The following CSMD1 variants were observed in gnomAD, a reference collection of about 807,000 sequenced individuals.
CSMD1 encodes CUB and Sushi multiple domains 1, also known as CUB and sushi domain-containing protein 1.
Under a neutral mutation model 417.5 loss-of-function variants are expected in CSMD1, and 213 were observed. The ratio of observed to expected loss-of-function variants is 0.51; its 90% CI spans 0.46 to 0.57. CSMD1 has a LOEUF of 0.57. CSMD1 is among the 20% of genes least tolerant of loss of function. The pLI is 0.00. For synonymous variants in CSMD1, 2,862 were observed against 1,736.8 expected, an observed-to-expected ratio of 1.65 and a Z score of -16.11; for missense variants, 6,923 against 4,529.7, an observed-to-expected ratio of 1.53 and a Z score of -15.17.
chr8:3,663,146 G>C (rs950892543), intron 7 of CSMD1, among the ~76,000 whole-genome samples: 1 of 152,154 alleles, frequency 6.6e-6, no homozygotes, highest in African/African-American at 2.4e-5. Flanking sequence ...GGCCGACAAA[G>C]AAAAGGTTAG....
intron 3 of CSMD1, among the ~76,000 whole-genome samples, chr8:4,316,846 G>T (rs955273023): frequency 1.3e-5 from 2 of 152,120 alleles, no homozygotes; most frequent in Non-Finnish European, 2.9e-5. Context: ...ATTGGTAGCT[G>T]CTTCTATTAG....
At chr8:3,607,235 C>A (rs1046338635) in intron 8 of CSMD1, among the ~76,000 whole-genome samples, 3 of 152,152 alleles carry the variant, frequency 2.0e-5, no homozygotes, top group African/African-American at 7.2e-5. Flanking sequence ...TCACTGTTTT[C>A]CACCTCCACA....
intron 15 of CSMD1, among the ~76,000 whole-genome samples, chr8:3,399,909 C>A (rs145036930): frequency 6.6e-6 from 1 of 152,148 alleles, no homozygotes; most frequent in Non-Finnish European, 1.5e-5. Flanking sequence ...AATGACCTTA[C>A]ATCTCAAGAT....
In CSMD1 at chr8:4,687,090, G is replaced by C. The variant is rs1316003945; in HGVS notation, c.86-49532C>G. ...TTCAGGCGAGCCGGCCCCTGTGCAG[G>C]CTAACTCTGTGGTCGATAAAAGCTG... On this transcript the variant is annotated intron_variant, in intron 1 of 69. Coordinates refer to ENST00000635120, the MANE Select transcript of CSMD1 (RefSeq NM_033225.6). Among the ~76,000 whole-genome samples the C allele has an allele frequency of 1.3e-5, 2 of 152,194 alleles. 1 individual carries two copies. The highest frequency in any genetic ancestry group is 4.1e-4 in the South Asian group (2 of 4,834).
intron 1 of CSMD1, among the ~76,000 whole-genome samples, chr8:4,761,875 C>G (rs950995449): frequency 1.1e-5 from 1 of 94,142 alleles, no homozygotes; most frequent in Non-Finnish European, 2.2e-5. Context: ...ATCTATCTAT[C>G]TATCTATCTA....
At chr8:3,823,524 A>G (rs528844392) in intron 5 of CSMD1, among the ~76,000 whole-genome samples, 142 of 152,280 alleles carry the variant, frequency 9.3e-4, no homozygotes, top group African/African-American at 3.3e-3. Context: ...ACATTTTGTT[A>G]TAAAAATAAA....
intron 5 of CSMD1, among the ~76,000 whole-genome samples, chr8:3,764,607 T>G (rs1798170247): frequency 6.6e-6 from 1 of 152,080 alleles, no homozygotes; most frequent in South Asian, 2.1e-4. Context: ...GCAGTTTCCT[T>G]GGAGATGTGA....
intron 3 of CSMD1, among the ~76,000 whole-genome samples, chr8:4,181,233 T>C (rs1163606558): frequency 6.6e-6 from 1 of 152,182 alleles, no homozygotes; most frequent in East Asian, 1.9e-4. Flanking sequence ...TGGTACTTAT[T>C]ATCTATAGCC....
chr8:4,160,582 G>C (rs1310683937), intron 3 of CSMD1, among the ~76,000 whole-genome samples: 1 of 152,216 alleles, frequency 6.6e-6, no homozygotes, highest in Non-Finnish European at 1.5e-5. Flanking sequence ...CTTGCATGAG[G>C]CTGAAGCCTC....
At position 4,808,616 on chromosome 8, in the gene CSMD1, A is replaced by G. The variant is rs1798719801; in HGVS notation, c.86-171058T>C. ...TACTAATGGTTTCACCCAAAAATTA[A>G]ATAGAACACAGCCAGCAATCATACC... On this transcript the variant is annotated intron_variant, in intron 1 of 69. Coordinates refer to ENST00000635120, the MANE Select transcript of CSMD1 (RefSeq NM_033225.6). Among the ~76,000 whole-genome samples the G allele has an allele frequency of 2.0e-5, 3 of 152,196 alleles. No individual in the cohort carries two copies. The South Asian group carries it at 6.2e-4, about 32-fold the overall frequency.
At chr8:3,006,876 G>T (rs560610354) in intron 52 of CSMD1, among the ~76,000 whole-genome samples, 6 of 141,990 alleles carry the variant, frequency 4.2e-5, no homozygotes, top group Admixed American at 2.7e-4. Flanking sequence ...AAGACTTCAT[G>T]TCTAAAACAC....
chr8:3,535,411 G>C (rs1277528807), intron 10 of CSMD1, among the ~76,000 whole-genome samples: 1 of 152,162 alleles, frequency 6.6e-6, no homozygotes, highest in African/African-American at 2.4e-5. Context: ...CCTGCAGCCT[G>C]ACCTCAAGGG....
intron 3 of CSMD1, among the ~76,000 whole-genome samples, chr8:4,084,515 T>C (rs1800315899): frequency 6.6e-6 from 1 of 152,202 alleles, no homozygotes; most frequent in Admixed American, 6.5e-5. Context: ...ATCCTGTTTT[T>C]ATTTTTCCTT....
chr8:3,713,515 C>T (rs771885500), intron 6 of CSMD1, among the ~76,000 whole-genome samples: 1 of 152,122 alleles, frequency 6.6e-6, no homozygotes, highest in African/African-American at 2.4e-5. Context: ...CTGCCCCAGC[C>T]CCCACAGCCA....
chr8:3,524,294 C>G (rs1174054362), intron 10 of CSMD1, among the ~76,000 whole-genome samples: 2 of 151,546 alleles, frequency 1.3e-5, no homozygotes, highest in African/African-American at 2.4e-5. Context: ...CATGCACACA[C>G]ACGTACACTC....
intron 5 of CSMD1, among the ~76,000 whole-genome samples, chr8:3,865,051 C>G (rs1252431172): frequency 6.6e-6 from 1 of 152,138 alleles, no homozygotes; most frequent in East Asian, 1.9e-4. Context: ...TGCTTTGATT[C>G]TATTTCTCGG....
chr8:3,813,022 T>C (rs569215092), intron 5 of CSMD1, among the ~76,000 whole-genome samples: 15 of 152,164 alleles, frequency 9.9e-5, no homozygotes, highest in East Asian at 5.8e-4. Context: ...TAATGGTATA[T>C]TGTGACAGCA....
At chr8:4,129,968 T>A (rs1802996158) in intron 3 of CSMD1, among the ~76,000 whole-genome samples, 1 of 152,182 alleles carries the variant, frequency 6.6e-6, no homozygotes, top group Admixed American at 6.5e-5. Flanking sequence ...TTCAGTTTCT[T>A]CCCAGTTGCT....
chr8:4,336,249 T>G (rs1800164071), intron 3 of CSMD1, among the ~76,000 whole-genome samples: 1 of 152,192 alleles, frequency 6.6e-6, no homozygotes, highest in Non-Finnish European at 1.5e-5. Context: ...TTTAAAGGTC[T>G]TGCTCGTCCA....
Sources: gnomAD v4.1 joint callset for allele counts (sites outside exome capture counted in the v4.1 genomes callset) on GRCh38, gnomAD v4.1.1 for gene constraint, MANE v1.5 for transcripts, NCBI Gene and HGNC (gene_info 2026-07-23, HGNC 2026-07-21) for gene names.